SNX8: variants seen among roughly 807,000 people sequenced by gnomAD.
SNX8 encodes the protein sorting nexin-8.
A neutral mutation model predicts 51.6 loss-of-function variants in SNX8; 25 were observed. The observed-to-expected ratio is 0.48, with a 90% CI of 0.35 to 0.68. The LOEUF is 0.68. Ranked by LOEUF, SNX8 falls within the 30% of genes least tolerant of loss-of-function variation. The probability of loss-of-function intolerance (pLI) is 0.00; values close to 1 mark genes in which losing one functional copy is unlikely to be tolerated. For synonymous variants in SNX8, 324 were observed against 277.0 expected (o/e 1.17, Z -1.68); for missense variants, 695 against 624.0 (o/e 1.11, Z -1.21).
At chr7:2,298,649 C>A (rs901311692) in intron 1 of SNX8, among the ~76,000 whole-genome samples, 1 of 151,618 alleles carries the variant, frequency 6.6e-6, no homozygotes, top group Non-Finnish European at 1.5e-5. Flanking sequence ...GGATTACAGG[C>A]ATGAGCCACC....
At chr7:2,293,507 C>A (rs1039171537) in intron 1 of SNX8, among the ~76,000 whole-genome samples, 1 of 147,492 alleles carries the variant, frequency 6.8e-6, no homozygotes, top group Non-Finnish European at 1.5e-5. Flanking sequence ...TACAAAAATA[C>A]AAAAATTAGC....
chr7:2,271,527 A>C (rs1206623441), intron 4 of SNX8, among the ~76,000 whole-genome samples: 1 of 152,168 alleles, frequency 6.6e-6, no homozygotes, highest in Non-Finnish European at 1.5e-5. Context: ...CCTTGTTTTA[A>C]GTCAACACTT....
upstream of SNX8, among the ~76,000 whole-genome samples, chr7:2,319,154 C>A (rs544126190): frequency 8.6e-5 from 13 of 151,240 alleles, no homozygotes; most frequent in African/African-American, 2.9e-4. Flanking sequence ...GCCTGGTCAA[C>A]ACAGGGAAAC....
Position 2,335,758 on chromosome 7 carries a change from G to A in SNX8, c.-66+18464C>T, listed in dbSNP as rs1184603814. 6.4e-5 allele frequency among the ~76,000 whole-genome samples: 9 copies of A among 140,504 alleles called. No individual in the cohort carries two copies. In the East Asian group the frequency reaches 6.5e-4, roughly 10 times the overall value. 92.2% of individuals were successfully genotyped at this position (140,504 alleles called of 152,430 possible). A position where few individuals can be genotyped will look rare whatever the true frequency, so the allele number is the denominator to read the frequency against. ...GCGGAGCTTGCGGTGAGCCGAGACCGCGGCACTGCACTCCAGCCTGGGCGA... is the reference window on the plus strand; with the variant it reads ...GCGGAGCTTGCGGTGAGCCGAGACCACGGCACTGCACTCCAGCCTGGGCGA... On this transcript the variant is annotated intron_variant, in intron 1 of 5. Coordinates refer to the SNX8 transcript ENST00000435336.
chr7:2,283,323 C>A (rs1397096600), intron 1 of SNX8, among the ~76,000 whole-genome samples: 6 of 152,200 alleles, frequency 3.9e-5, no homozygotes, highest in African/African-American at 9.6e-5. Context: ...GCCAAGCCCG[C>A]CCCGGACTGG....
chr7:2,274,023 G>A (rs536365958), intron 3 of SNX8, among the ~76,000 whole-genome samples: 14 of 152,330 alleles, frequency 9.2e-5, no homozygotes, highest in Middle Eastern at 3.4e-3. Flanking sequence ...CCTTAAATGC[G>A]CAAGCGGCCC....
rs369218062 is a variant in SNX8, at chr7:2,284,983, T to C, written c.95-6678A>G. 2.7e-3 allele frequency among the ~76,000 whole-genome samples: 413 copies of C among 151,558 alleles called. 3 individuals carry two copies. Among genetic ancestry groups the C allele is most frequent in the South Asian group, 0.018 (84 of 4,780 alleles). On this transcript the variant is annotated intron_variant, in intron 1 of 10. Transcript: ENST00000222990. ...ATCCCAGCACTTTTGGAGGCTGAGG[T>C]GGGCGGATCACAAGGTCAGGAGATC... is the stretch of plus-strand genomic sequence containing the variant.
At chr7:2,344,826 G>A (rs183225361) in intron 1 of SNX8, among the ~76,000 whole-genome samples, 30 of 152,238 alleles carry the variant, frequency 2.0e-4, no homozygotes, top group African/African-American at 6.3e-4. Context: ...TTGGGAGGCT[G>A]AGGCAGGCGG....
At chr7:2,347,192 A>C (rs1172088506) in intron 1 of SNX8, among the ~76,000 whole-genome samples, 2 of 151,800 alleles carry the variant, frequency 1.3e-5, no homozygotes, top group Non-Finnish European at 2.9e-5. Context: ...TAATAATAAG[A>C]GCCTTTGGGC....
At chr7:2,302,585 C>T (rs532165418) in intron 1 of SNX8, among the ~76,000 whole-genome samples, 1 of 150,090 alleles carries the variant, frequency 6.7e-6, no homozygotes, top group Admixed American at 6.6e-5. Context: ...GTGAGGAGCC[C>T]TTCTGCCTGG....
rs187769067 is a variant in SNX8, at chr7:2,260,079, G to A, written c.916-2276C>T. 4.2e-3 allele frequency among the ~76,000 whole-genome samples: 644 copies of A among 152,202 alleles called. 1 individual carries two copies. The highest frequency in any genetic ancestry group is 6.3e-3 in the Non-Finnish European group (430 of 68,006). ...TAGGTCTGTGTGTAAATCTCATAAT[G>A]TTTTCAGAAAGTTTACAGATTTGGC... On this transcript the variant is annotated intron_variant, in intron 7 of 10. Transcript: ENST00000222990.
At chr7:2,346,737 C>CAAAAAAAAAA (rs143462126) in intron 1 of SNX8, among the ~76,000 whole-genome samples, 1 of 45,322 alleles carries the variant, frequency 2.2e-5, no homozygotes, top group Non-Finnish European at 3.9e-5. Flanking sequence ...GACTCCGTCT[C>CAAAAAAAAAA]AAAAAAAAAA....
intron 1 of SNX8, among the ~76,000 whole-genome samples, chr7:2,349,130 G>C (rs1042207986): frequency 6.7e-6 from 1 of 149,656 alleles, no homozygotes; most frequent in Admixed American, 6.7e-5. Context: ...CTTGAACCTG[G>C]GAGGTGGAGG....
rs1269255201 is a variant in SNX8, at chr7:2,269,589, G to A, written c.591C>T (p.Phe197=). The A allele has an allele frequency of 1.9e-6, 3 of 1,592,202 alleles. No homozygotes were observed. The highest frequency in any genetic ancestry group is 2.6e-6 in the Non-Finnish European group (3 of 1,170,192). Residue 197 remains phenylalanine, a synonymous_variant, in exon 5 of 11, where the codon TTC becomes TTT. Transcript: ENST00000222990. The part of the protein sequence containing the change: ...KESAQCVGDE[F]LNCKLATRAK... ...CCCTGGTAGCCAGCTTACAGTTCAGGAATTCGTCCCCGACGCACTGTGCTG... is the reference window on the plus strand; with the variant it reads ...CCCTGGTAGCCAGCTTACAGTTCAGAAATTCGTCCCCGACGCACTGTGCTG...
At chr7:2,265,263 C>T (rs1795437492) in intron 5 of SNX8, among the ~76,000 whole-genome samples, 1 of 152,154 alleles carries the variant, frequency 6.6e-6, no homozygotes, top group East Asian at 1.9e-4. Flanking sequence ...TGGCATGAAC[C>T]CCGGAGGCGG....
chr7:2,269,892 T>C (rs1281095866), intron 4 of SNX8, among the ~76,000 whole-genome samples: 1 of 152,026 alleles, frequency 6.6e-6, no homozygotes, highest in Non-Finnish European at 1.5e-5. Context: ...AGCCACTCCA[T>C]CCGCAGACGG....
At chr7:2,332,871 A>G (rs1330395721) in intron 1 of SNX8, among the ~76,000 whole-genome samples, 1 of 151,420 alleles carries the variant, frequency 6.6e-6, no homozygotes, top group East Asian at 1.9e-4. Flanking sequence ...AGAGAGAGAA[A>G]GAAAGAGAAA....
At chr7:2,297,377 C>G (rs1423019378) in intron 1 of SNX8, among the ~76,000 whole-genome samples, 1 of 151,382 alleles carries the variant, frequency 6.6e-6, no homozygotes, top group East Asian at 1.9e-4. Context: ...ATGGTGAAAC[C>G]CCATCTCTAC....
chr7:2,286,257 C>T (rs1160152898), intron 1 of SNX8, among the ~76,000 whole-genome samples: 1 of 152,034 alleles, frequency 6.6e-6, no homozygotes. Context: ...GGTGATCCGC[C>T]TGCCTCGGCC....
Sources: allele counts gnomAD v4.1 joint callset (sites outside exome capture counted in the v4.1 genomes callset), GRCh38; gene constraint gnomAD v4.1.1; transcripts MANE v1.5; gene names NCBI Gene and HGNC (gene_info 2026-07-23, HGNC 2026-07-21).